ATE1: variants seen among roughly 807,000 people sequenced by gnomAD.
The protein encoded by ATE1 is arginyl-tRNA--protein transferase 1.
A neutral mutation model predicts 70.5 loss-of-function variants in ATE1; 36 were observed. That is an observed-to-expected ratio of 0.51 (90% confidence interval 0.39 to 0.67). The LOEUF is 0.67. ATE1 is among the 30% of genes least tolerant of loss of function. ATE1 has a pLI of 0.00. For synonymous variants in ATE1, 232 were observed against 219.3 expected (o/e 1.06, Z -0.51); for missense variants, 593 against 629.5 (o/e 0.94, Z 0.62).
intron 7 of ATE1, among the ~76,000 whole-genome samples, chr10:121,897,656 T>C (rs1438132121): frequency 6.6e-6 from 1 of 152,020 alleles, no homozygotes; most frequent in Admixed American, 6.5e-5. Flanking sequence ...TGAAACCCTA[T>C]CTCTACTAAA....
intron 11 of ATE1, among the ~76,000 whole-genome samples, chr10:121,754,314 A>G (rs995910956): frequency 6.6e-6 from 1 of 152,234 alleles, no homozygotes; most frequent in African/African-American, 2.4e-5. Flanking sequence ...GACTAATTAT[A>G]GAACTGAGTC....
In ATE1 at chr10:121,900,137, C is replaced by T. The variant is rs1950923393; in HGVS notation, c.814-143G>A. The T allele has an allele frequency of 4.5e-6, 4 of 884,458 alleles. No individual in the cohort carries two copies. In the Admixed American group the frequency reaches 1.2e-4, roughly 27 times the overall value. The allele number at this position is 884,458 out of a possible 1,614,324, so 54.8% of individuals were successfully genotyped here. ...TAAATATTTTAATATTAAAAACCAA[C>T]CAGTTAGTAAATAAAGAAAAAAGTT... is the stretch of plus-strand genomic sequence containing the variant. On this transcript the variant is annotated intron_variant, in intron 6 of 11. Transcript: ENST00000224652.
chr10:121,911,494 T>C (rs1311839021), intron 4 of ATE1, among the ~76,000 whole-genome samples: 1 of 150,844 alleles, frequency 6.6e-6, no homozygotes, highest in South Asian at 2.1e-4. Context: ...GGCAATGTAC[T>C]GCCAGTCCCT....
In ATE1 at chr10:121,925,442, A is replaced by G. The variant is rs920200413; in HGVS notation, c.107-1113T>C. On this transcript the variant is annotated intron_variant, in intron 1 of 11. Coordinates refer to ENST00000224652, the MANE Select transcript of ATE1 (RefSeq NM_001001976.3). Reference sequence around the variant, plus strand: ...AGCTCTGTCTCAAAAAAAAAAAAAAAGAAAGAAAGAAAGAAAGTAACTCAA... The same window carrying G: ...AGCTCTGTCTCAAAAAAAAAAAAAAGGAAAGAAAGAAAGAAAGTAACTCAA... Among the ~76,000 whole-genome samples the G allele has an allele frequency of 2.0e-5, 3 of 149,178 alleles. No homozygotes were observed. In the Admixed American group the frequency reaches 2.0e-4, roughly 10 times the overall value.
chr10:121,796,632 C>G (rs1946669227), intron 10 of ATE1, among the ~76,000 whole-genome samples: 1 of 151,990 alleles, frequency 6.6e-6, no homozygotes. Context: ...ACTTGTAAGA[C>G]TCAATTAAAA....
chr10:121,871,875 A>C (rs1949874503), intron 7 of ATE1, among the ~76,000 whole-genome samples: 1 of 152,222 alleles, frequency 6.6e-6, no homozygotes, highest in South Asian at 2.1e-4. Context: ...AAGTCTTCTT[A>C]ATGCTGACAT....
intron 8 of ATE1, among the ~76,000 whole-genome samples, chr10:121,843,709 C>T (rs935422019): frequency 6.6e-6 from 1 of 151,492 alleles, no homozygotes; most frequent in Non-Finnish European, 1.5e-5. Flanking sequence ...GGTGCTGTAA[C>T]AACCAGATAT....
In ATE1 at chr10:121,883,609, GA is replaced by G. The variant is rs201215237; in HGVS notation, c.943-13572del. 6.1e-3 allele frequency among the ~76,000 whole-genome samples: 934 copies of G among 152,298 alleles called. 21 individuals carry two copies. Among genetic ancestry groups the G allele is most frequent in the African/African-American group, 0.021 (885 of 41,558 alleles). The stretch of plus-strand genomic sequence containing the variant: ...AAGTCCTGCTCGGCATTCTGTTTGA[GA>G]AGCTGAGGAAGAACACAAGACATTT... On this transcript the variant is annotated intron_variant, in intron 7 of 11. Transcript: ENST00000224652.
chr10:121,891,518 T>TA (rs1380569647), intron 7 of ATE1, among the ~76,000 whole-genome samples: 1 of 152,132 alleles, frequency 6.6e-6, no homozygotes, highest in Non-Finnish European at 1.5e-5. Context: ...TGCTTTCTGT[T>TA]AGAGAAGAAA....
At chr10:121,898,889 A>G in intron 7 of ATE1, 3 of 1,614,012 alleles carry the variant, frequency 1.9e-6, no homozygotes, top group Middle Eastern at 1.7e-4. Context: ...TGGCCACTTG[A>G]TACTTGACAT....
At chr10:121,745,093 C>A (rs1014032868) in intron 11 of ATE1, among the ~76,000 whole-genome samples, 1 of 124,340 alleles carries the variant, frequency 8.0e-6, no homozygotes, top group Admixed American at 9.7e-5. Flanking sequence ...CTCCAGGTTG[C>A]CTATGTCTAG....
intron 10 of ATE1, among the ~76,000 whole-genome samples, chr10:121,798,638 G>A (rs1000309192): frequency 1.3e-5 from 2 of 152,180 alleles, no homozygotes; most frequent in African/African-American, 2.4e-5. Flanking sequence ...AGTGGCTCAC[G>A]CCTGTAATCC....
At chr10:121,746,757 CAAA>C (rs11318828) in intron 11 of ATE1, among the ~76,000 whole-genome samples, 2 of 147,118 alleles carry the variant, frequency 1.4e-5, no homozygotes, top group East Asian at 2.0e-4. Flanking sequence ...GTAATTGTAG[CAAA>C]AAAAAAAAAA....
At position 121,878,272 on chromosome 10, in the gene ATE1, G is replaced by A. The variant is rs181531243; in HGVS notation, c.943-8234C>T. ...TGCTGAAAATGTTCTCTCTTAATCC[G>A]AGCAGTGACTATAAGAGCATATACA... On this transcript the variant is annotated intron_variant, in intron 7 of 11. Coordinates refer to ENST00000224652, the MANE Select transcript of ATE1 (RefSeq NM_001001976.3). Among the ~76,000 whole-genome samples, 39 of 152,206 alleles carry A rather than the reference G, an allele frequency of 2.6e-4. 1 individual carries two copies. The East Asian group carries it at 7.1e-3, about 28-fold the overall frequency.
intron 6 of ATE1, among the ~76,000 whole-genome samples, chr10:121,900,431 T>A (rs905716848): frequency 2.0e-5 from 3 of 152,234 alleles, no homozygotes; most frequent in African/African-American, 7.2e-5. Flanking sequence ...CTTGACTGTT[T>A]GAGTTAAAAA....
chr10:121,909,459 T>C (rs1347957215), intron 5 of ATE1, among the ~76,000 whole-genome samples: 1 of 152,196 alleles, frequency 6.6e-6, no homozygotes, highest in East Asian at 1.9e-4. Flanking sequence ...TCTTATCTTT[T>C]AGAAACGTAT....
At position 121,898,999 on chromosome 10, in the gene ATE1, C is replaced by T. The variant is rs373030972; in HGVS notation, c.942+867G>A. 25 of 1,609,074 alleles carry T rather than the reference C, an allele frequency of 1.6e-5. No individual in the cohort carries two copies. The African/African-American group carries it at 2.7e-4, about 17-fold the overall frequency. ...AGAGCAAGGAAAATACAAGCAAATG[C>T]TATTGAAACATCTCTGATGATATGC... On this transcript the variant is annotated intron_variant, in intron 7 of 11. Transcript: ENST00000224652.
At position 121,742,004 on chromosome 10, in the gene ATE1, T is replaced by C. The variant is rs1313376652; in HGVS notation, c.*1676A>G. The C allele has an allele frequency of 1.3e-5, 2 of 152,248 alleles. No individual in the cohort carries two copies. The highest frequency in any genetic ancestry group is 4.8e-5 in the African/African-American group (2 of 41,462). The allele number at this position is 152,248 out of a possible 1,614,324, so 9.4% of individuals were successfully genotyped here. The stretch of plus-strand genomic sequence containing the variant: ...TAGAGGAAAAAGAGAAAAAAGGCTC[T>C]ATAGATTCTGAAGGCAGTTCCAAGT... On this transcript the variant is annotated 3_prime_UTR_variant, in exon 12 of 12. Transcript: ENST00000224652.
chr10:121,928,454 G>T (rs1952196140), upstream of ATE1: 1 of 1,513,312 alleles, frequency 6.6e-7, no homozygotes, highest in Non-Finnish European at 8.8e-7. Flanking sequence ...GGTCCGCTCG[G>T]GCCGACCACG....
Sources: gnomAD v4.1 joint callset for allele counts (sites outside exome capture counted in the v4.1 genomes callset) on GRCh38, gnomAD v4.1.1 for gene constraint, MANE v1.5 for transcripts, NCBI Gene and HGNC (gene_info 2026-07-23, HGNC 2026-07-21) for gene names.